Variants in UTP15 observed in about 807,000 individuals in gnomAD.
UTP15 encodes U3 small nucleolar RNA-associated protein 15 homolog.
In UTP15, 5 loss-of-function variants were observed where a neutral mutation model predicts 59.1. The ratio of observed to expected loss-of-function variants is 0.08; its 90% CI spans 0.04 to 0.18. The LOEUF is 0.18. UTP15 is among the 10% of genes least tolerant of loss of function. UTP15 has a pLI of 1.00. For missense variants in UTP15, 494 were observed against 616.7 expected (o/e 0.80, Z 2.11); for synonymous variants, 211 against 212.2 (o/e 0.99, Z 0.05).
At chr5:73,570,525 A>T (rs530549655) in intron 5 of UTP15, 61 bp from the exon 6 acceptor site, 1 of 1,544,154 alleles carries the variant, frequency 6.5e-7, no homozygotes, top group South Asian at 1.2e-5. Flanking sequence ...TTATATCTGG[A>T]TACACACAGT....
Position 73,579,040 on chromosome 5 carries a change from C to G in UTP15, c.1170C>G (p.Pro390=). The G allele has an allele frequency of 2.5e-6, 4 of 1,612,890 alleles. No homozygotes were observed. Among genetic ancestry groups the G allele is most frequent in the Non-Finnish European group, 3.4e-6 (4 of 1,179,262 alleles). ...VLDPTCTIKT[P]EITVSIIKEL... ...AGCCCACTTGTACAATAAAGACACC[C>G]GAGATTACGGTGTCCATCATAAAGG... The change falls in exon 11 of 13, where the codon CCC becomes CCG. Residue 390 remains proline, a synonymous_variant. Transcript: ENST00000296792.
chr5:73,566,022 A>C (rs1160119736), intron 1 of UTP15, 110 bp downstream of exon 1: 19 of 358,298 alleles, frequency 5.3e-5, no homozygotes, highest in East Asian at 4.5e-4. Context: ...AGAGTGGCCA[A>C]ATTCTTTAAC....
At chr5:73,577,776 A>G in intron 8 of UTP15, 80 bp from the exon 9 acceptor site, 2 of 1,236,282 alleles carry the variant, frequency 1.6e-6, no homozygotes, top group South Asian at 1.5e-5. Flanking sequence ...CAGCAAACAC[A>G]TGGTAAATGT....
chr5:73,567,688 T>G (rs1177003820), intron 2 of UTP15: 6 of 280,692 alleles, frequency 2.1e-5, no homozygotes, highest in Non-Finnish European at 3.9e-5. Flanking sequence ...GAATTAAATT[T>G]TAAAATTTGA....
intron 7 of UTP15, among the ~76,000 whole-genome samples, chr5:73,575,969 C>T (rs948985122): frequency 5.3e-5 from 8 of 152,056 alleles, no homozygotes; most frequent in African/African-American, 1.9e-4. Flanking sequence ...GATCTGCCCA[C>T]CTCGGCCTCC....
At chr5:73,568,627 G>A in intron 4 of UTP15, 23 bp downstream of exon 4, 1 of 1,583,924 alleles carries the variant, frequency 6.3e-7, no homozygotes, top group Non-Finnish European at 8.6e-7. Context: ...TGGTTTCTGT[G>A]TGTTCTGGTT....
chr5:73,567,890 C>A (rs1747827857), intron 2 of UTP15, among the ~76,000 whole-genome samples: 2 of 152,160 alleles, frequency 1.3e-5, no homozygotes, highest in Admixed American at 1.3e-4. Context: ...GAACAGCCTA[C>A]ATGGTATGAT....
Position 73,580,062 on chromosome 5 carries a change from G to T in UTP15, c.1525G>T (p.Gly509Ter). ...GTSVLEHTSD[G>*]FPENKKIES ...TTCTGTGTTGGAACACACATCTGAT[G>T]GATTTCCAGAGAATAAGAAGATAGA... Residue 509 changes from glycine to a stop codon, truncating the protein, a stop_gained, in exon 13 of 13, where the codon GGA (glycine) becomes TGA (stop). Transcript: ENST00000296792. LOFTEE classifies it high-confidence loss of function. 6.2e-7 allele frequency: 1 copy of T among 1,613,586 alleles called. No individual in the cohort carries two copies. Among genetic ancestry groups the T allele is most frequent in the Non-Finnish European group, 8.5e-7 (1 of 1,179,728 alleles).
chr5:73,572,951 C>T (rs1424742877), intron 7 of UTP15, among the ~76,000 whole-genome samples: 1 of 152,058 alleles, frequency 6.6e-6, no homozygotes, highest in African/African-American at 2.4e-5. Flanking sequence ...GCACGCGCCA[C>T]AATGCCCGGC....
chr5:73,572,898 A>C (rs1177995384), intron 7 of UTP15, among the ~76,000 whole-genome samples: 1 of 152,072 alleles, frequency 6.6e-6, no homozygotes, highest in Non-Finnish European at 1.5e-5. Context: ...CCCAGGTTCA[A>C]GTGGTTCTCC....
At position 73,576,932 on chromosome 5, in the gene UTP15, A is replaced by G; in HGVS notation, c.810-20A>G. 6.5e-7 allele frequency: 1 copy of G among 1,549,544 alleles called. No individual in the cohort carries two copies. The highest frequency in any genetic ancestry group is 1.2e-5 in the South Asian group (1 of 83,940). ...CTCGTTTTCAAGGTGATTTTTGACAAAGCTTTTCCTTTTTATTAGGAAGGT... is the reference window on the plus strand; with the variant it reads ...CTCGTTTTCAAGGTGATTTTTGACAGAGCTTTTCCTTTTTATTAGGAAGGT... On this transcript the variant is annotated intron_variant, in intron 7 of 12. Coordinates refer to ENST00000296792, the MANE Select transcript of UTP15 (RefSeq NM_032175.4).
intron 1 of UTP15, 71 bp downstream of exon 1, chr5:73,565,983 CT>C: frequency 2.3e-6 from 1 of 432,638 alleles, no homozygotes. Context: ...ATCTGGCATG[CT>C]CTTCTGGGGC....
chr5:73,568,662 T>C (rs902860538), intron 4 of UTP15, 58 bp downstream of exon 4: 33 of 1,487,224 alleles, frequency 2.2e-5, no homozygotes, highest in Non-Finnish European at 2.7e-5. Flanking sequence ...GCTCTTTTTT[T>C]CTCTGGACTT....
intron 5 of UTP15, 39 bp downstream of exon 5, chr5:73,569,714 A>C (rs998302966): frequency 6.8e-3 from 9,577 of 1,406,092 alleles, no homozygotes; most frequent in Non-Finnish European, 8.3e-3. Flanking sequence ...AAATAATCTC[A>C]CGGGGATGTA....
rs1747844487 is a variant in UTP15, at chr5:73,568,443, C to T, written c.207C>T (p.Ser69=). The T allele has an allele frequency of 6.2e-7, 1 of 1,612,634 alleles. No homozygotes were observed. Among genetic ancestry groups the T allele is most frequent in the African/African-American group, 1.3e-5 (1 of 74,920 alleles). ...SSRIHIYGRY[S]QEPIKTFSRF... ...AGATTCACATTTATGGCCGATACTC[C>T]CAAGAACCTATAAAAACCTTTTCTC... The change falls in exon 4 of 13, where the codon TCC becomes TCT. Residue 69 remains serine, a synonymous_variant. Coordinates refer to ENST00000296792, the MANE Select transcript of UTP15 (RefSeq NM_032175.4).
intron 1 of UTP15, chr5:73,566,184 C>T (rs937835933): frequency 1.7e-5 from 4 of 231,038 alleles, no homozygotes; most frequent in African/African-American, 9.1e-5. Flanking sequence ...GAGGCTCCCT[C>T]AGGTGAAGTG....
rs1474761330 is a variant in UTP15, at chr5:73,578,786, C to T, written c.1080C>T (p.His360=). 3 of 1,613,466 alleles carry T rather than the reference C, an allele frequency of 1.9e-6. No homozygotes were observed. The highest frequency in any genetic ancestry group is 1.1e-5 in the South Asian group (1 of 91,048). ...TGATTAACAGGCCAGCAAAGAAGCA[C>T]CTAGAATTGTATGACAGGGATCTGA... ...DILINRPAKK[H]LELYDRDLKH... The change falls in exon 10 of 13, where the codon CAC becomes CAT. Residue 360 remains histidine (H), a synonymous_variant. Transcript: ENST00000296792.
At chr5:73,578,937 A>ATATATACAT in intron 10 of UTP15, 80 bp from the exon 11 acceptor site, 9 of 1,599,452 alleles carry the variant, frequency 5.6e-6, no homozygotes, top group South Asian at 3.3e-5. Context: ...AATATTATTC[A>ATATATACAT]AACTTGATAA....
In UTP15 at chr5:73,580,218, G is replaced by C; in HGVS notation, c.*124G>C. 1.4e-6 allele frequency: 1 copy of C among 719,764 alleles called. No homozygotes were observed. Among genetic ancestry groups the C allele is most frequent in the Non-Finnish European group, 2.2e-6 (1 of 462,044 alleles). The allele number at this position is 719,764 out of a possible 1,614,324, so 44.6% of individuals were successfully genotyped here. A position where few individuals can be genotyped will look rare whatever the true frequency, so the allele number is the denominator to read the frequency against. On this transcript the variant is annotated 3_prime_UTR_variant, in exon 13 of 13. Transcript: ENST00000296792. The stretch of plus-strand genomic sequence containing the variant: ...TTTGCAGAAGCAGTTCTGTGGAAGA[G>C]ACTGGAATAATTATGGCCGGAAAAC...
Sources: allele counts gnomAD v4.1 joint callset (sites outside exome capture counted in the v4.1 genomes callset), GRCh38; gene constraint gnomAD v4.1.1; transcripts MANE v1.5; gene names NCBI Gene and HGNC (gene_info 2026-07-23, HGNC 2026-07-21).